The following DTL variants were observed in gnomAD, a reference collection of about 807,000 sequenced individuals.
The protein encoded by DTL is denticleless protein homolog.
In DTL, 46 loss-of-function variants were observed where a neutral mutation model predicts 87.0. The ratio of observed to expected loss-of-function variants is 0.53; its 90% CI spans 0.42 to 0.68. The LOEUF (loss-of-function observed/expected upper bound fraction) is 0.68. DTL is among the 30% of genes least tolerant of loss of function. The pLI, the probability that DTL is intolerant of heterozygous loss-of-function variation, is 0.00. For missense variants in DTL, 737 were observed against 869.4 expected, an observed-to-expected ratio of 0.85 and a Z score of 1.91; for synonymous variants, 308 against 311.2, an observed-to-expected ratio of 0.99 and a Z score of 0.11.
rs1179074655 is a variant in DTL at position 212,047,133 on chromosome 1, A to G, written c.278-18A>G. 6.2e-7 allele frequency: 1 copy of G among 1,611,444 alleles called. No individual in the cohort carries two copies. The highest frequency in any genetic ancestry group is 1.3e-5 in the African/African-American group (1 of 74,852). Reference sequence around the variant, plus strand: ...AATACAATTTAGACATTTCACATTTACCATTTTCTTTGTTTAGAATGGATG... The same window carrying G: ...AATACAATTTAGACATTTCACATTTGCCATTTTCTTTGTTTAGAATGGATG... On this transcript the variant is annotated intron_variant, in intron 3 of 14. Coordinates refer to ENST00000366991, the MANE Select transcript of DTL (RefSeq NM_016448.4).
chr1:212,084,739 A>G (rs533309799), intron 13 of DTL, among the ~76,000 whole-genome samples: 1 of 152,080 alleles, frequency 6.6e-6, no homozygotes, highest in African/African-American at 2.4e-5. Context: ...TGAGGATTTA[A>G]CTCCCTTTCC....
chr1:212,055,096 C>T (rs747249841), intron 5 of DTL, among the ~76,000 whole-genome samples: 3 of 151,948 alleles, frequency 2.0e-5, no homozygotes, highest in Admixed American at 6.5e-5. Flanking sequence ...TAGATAATCA[C>T]CCTTCAAATA....
intron 1 of DTL, among the ~76,000 whole-genome samples, chr1:212,039,044 A>C (rs1263525548): frequency 1.3e-5 from 2 of 152,050 alleles, no homozygotes; most frequent in Non-Finnish European, 1.5e-5. Context: ...AATTTCTCCT[A>C]ATGTAATTTA....
chr1:212,083,674 C>A (rs557414649), intron 13 of DTL, among the ~76,000 whole-genome samples: 9 of 152,212 alleles, frequency 5.9e-5, no homozygotes, highest in East Asian at 1.9e-4. Flanking sequence ...AGATCATGTA[C>A]ATAGATTTTT....
Position 212,100,821 on chromosome 1 carries a change from A to G in DTL, c.1831A>G (p.Ile611Val), listed in dbSNP as rs1222116108. 1 of 1,614,144 alleles carries G rather than the reference A, an allele frequency of 6.2e-7. No homozygotes were observed. Among genetic ancestry groups the G allele is most frequent in the Non-Finnish European group, 8.5e-7 (1 of 1,180,020 alleles). ...DSLGPTKSSK[I>V]EGAGTSISEP... ...TCTAGGTCCTACCAAATCAAGCAAA[A>G]TTGAAGGAGCTGGTACCAGTATCTC... is the stretch of plus-strand genomic sequence containing the variant. Residue 611 changes from isoleucine to valine, a missense_variant, in exon 14 of 15, where the codon ATT becomes GTT. Transcript: ENST00000366991.
intron 3 of DTL, among the ~76,000 whole-genome samples, chr1:212,045,383 T>C (rs1667777486): frequency 6.6e-6 from 1 of 152,202 alleles, no homozygotes; most frequent in Non-Finnish European, 1.5e-5. Flanking sequence ...CTTTTTAGGA[T>C]TAAAAACAAT....
intron 5 of DTL, among the ~76,000 whole-genome samples, chr1:212,061,426 A>C (rs1028244974): frequency 6.6e-6 from 1 of 152,154 alleles, no homozygotes; most frequent in Non-Finnish European, 1.5e-5. Flanking sequence ...GATGTGGAGA[A>C]AAGAGAACTC....
At chr1:212,066,790 T>C in intron 7 of DTL, 22 bp from the exon 8 acceptor site, 1 of 1,609,450 alleles carries the variant, frequency 6.2e-7, no homozygotes, top group East Asian at 2.2e-5. Context: ...GATAGAATCT[T>C]CTTCTTTTCT....
intron 5 of DTL, chr1:212,052,013 G>C: frequency 1.2e-6 from 1 of 855,818 alleles, no homozygotes; most frequent in Non-Finnish European, 2.0e-6. Flanking sequence ...TCATTTTGGC[G>C]AATTACTGGA....
At chr1:212,091,423 A>G (rs1358489016) in intron 13 of DTL, among the ~76,000 whole-genome samples, 1 of 152,220 alleles carries the variant, frequency 6.6e-6, no homozygotes, top group Non-Finnish European at 1.5e-5. Context: ...TAGAACTACC[A>G]TATGATCCAG....
chr1:212,082,060 C>T (rs1363923744), intron 13 of DTL, among the ~76,000 whole-genome samples: 1 of 152,108 alleles, frequency 6.6e-6, no homozygotes, highest in Non-Finnish European at 1.5e-5. Context: ...TGACAAATAC[C>T]ATTAAAGCCT....
intron 13 of DTL, among the ~76,000 whole-genome samples, chr1:212,090,311 A>G (rs994562923): frequency 6.6e-6 from 1 of 152,240 alleles, no homozygotes; most frequent in African/African-American, 2.4e-5. Context: ...TAAAAAAAGG[A>G]CAGGATAATT....
In DTL at chr1:212,068,703, G is replaced by C; in HGVS notation, c.922G>C (p.Val308Leu). Residue 308 changes from valine (V) to leucine (L), a missense_variant and splice_region_variant, in exon 10 of 15, where the codon GTG becomes CTG. Transcript: ENST00000366991. ...TATGACTGGGTTGAAGACTTCTCCA[G>C]GTAAGATATTAGTCATTCAAATTCT... is the stretch of plus-strand genomic sequence containing the variant. ...FNMTGLKTSP[V>L]AIFNGHQNST... 1 of 1,576,868 alleles carries C rather than the reference G, an allele frequency of 6.3e-7. No individual in the cohort carries two copies.
At chr1:212,041,507 CG>C (rs374887007) in intron 1 of DTL, among the ~76,000 whole-genome samples, 1 of 106,658 alleles carries the variant, frequency 9.4e-6, no homozygotes, top group Non-Finnish European at 1.8e-5. Flanking sequence ...GCATTTTTGG[CG>C]GGGGGGTGGG....
intron 5 of DTL, among the ~76,000 whole-genome samples, chr1:212,057,138 A>C (rs115823259): frequency 0.011 from 1,685 of 152,244 alleles, 31 homozygotes; most frequent in African/African-American, 0.038. Context: ...ATCCACATAC[A>C]GGAGGCTCCA....
intron 5 of DTL, among the ~76,000 whole-genome samples, chr1:212,057,711 A>T (rs1427371061): frequency 1.3e-5 from 2 of 152,170 alleles, no homozygotes; most frequent in Non-Finnish European, 2.9e-5. Flanking sequence ...GTCAATCAAT[A>T]AAGTTAGGAA....
chr1:212,075,187 A>G (rs1654793441), intron 11 of DTL, among the ~76,000 whole-genome samples: 1 of 152,208 alleles, frequency 6.6e-6, no homozygotes. Context: ...TTTGTGAGGA[A>G]AAGTGCTGAT....
At chr1:212,077,534 A>C (rs796216284) in intron 11 of DTL, 10 of 152,970 alleles carry the variant, frequency 6.5e-5, no homozygotes, top group African/African-American at 2.2e-4. Flanking sequence ...CATGTAAAAT[A>C]TAGTTTATAC....
chr1:212,065,142 G>T, intron 7 of DTL, 113 bp downstream of exon 7: 8 of 770,970 alleles, frequency 1.0e-5, no homozygotes, highest in South Asian at 2.0e-5. Context: ...TGATATCAGT[G>T]GTTTATTGCT....
Sources: allele counts gnomAD v4.1 joint callset (sites outside exome capture counted in the v4.1 genomes callset), GRCh38; gene constraint gnomAD v4.1.1; transcripts MANE v1.5; gene names NCBI Gene and HGNC (gene_info 2026-07-23, HGNC 2026-07-21).